Variants in SLC12A4 observed in about 807,000 individuals in gnomAD.
SLC12A4 encodes electroneutral potassium-chloride cotransporter 1.
SLC12A4 carries 84 observed loss-of-function variants against 119.2 expected under a neutral mutation model. The observed-to-expected ratio is 0.70, with a 90% CI of 0.59 to 0.85. The LOEUF (loss-of-function observed/expected upper bound fraction) is 0.85. Among genes scored for constraint, SLC12A4 ranks in the 40% least tolerant of loss-of-function variants. The pLI is 0.00. For synonymous variants in SLC12A4, 599 were observed against 604.6 expected, an observed-to-expected ratio of 0.99 and a Z score of 0.14; for missense variants, 1,298 against 1,476.3, an observed-to-expected ratio of 0.88 and a Z score of 1.98.
Position 67,946,329 on chromosome 16 carries a change from A to G in SLC12A4, c.2449T>C (p.Cys817Arg). Residue 817 changes from cysteine (C) to arginine (R), a missense_variant, in exon 19 of 24, where the codon TGC becomes CGC. Transcript: ENST00000316341. ...AWKTFIDTVR[C>R]TTAAHLALLV... is the part of the protein sequence containing the mutation. ...AGGGCCAGGTGGGCAGCCGTAGTGC[A>G]GCGCACGGTGTCTGGGGAGGAGGAG... 6.2e-7 allele frequency: 1 copy of G among 1,610,080 alleles called. No homozygotes were observed. The highest frequency in any genetic ancestry group is 8.5e-7 in the Non-Finnish European group (1 of 1,180,010).
At chr16:67,954,532 T>C (rs2030137127) in intron 6 of SLC12A4, 111 bp downstream of exon 6, 5 of 1,331,488 alleles carry the variant, frequency 3.8e-6, no homozygotes, top group Non-Finnish European at 5.2e-6. Context: ...TACTTTATAA[T>C]ACCCAGGCCT....
intron 19 of SLC12A4, 32 bp from the exon 20 acceptor site, chr16:67,946,114 C>CA (rs1567413055): frequency 6.2e-7 from 1 of 1,612,660 alleles, no homozygotes; most frequent in South Asian, 1.1e-5. Flanking sequence ...GCGGTTTGGT[C>CA]ACAGCTGCTC....
At chr16:67,963,379 A>G (rs1434287752) in intron 2 of SLC12A4, 86 bp downstream of exon 2, 7 of 803,050 alleles carry the variant, frequency 8.7e-6, no homozygotes. Flanking sequence ...GAAGAGCAAG[A>G]CAGAGGAGGC....
Position 67,963,546 on chromosome 16 carries a change from G to A in SLC12A4, c.129C>T (p.His43=). The A allele has an allele frequency of 6.3e-7, 1 of 1,580,636 alleles. No homozygotes were observed. Among genetic ancestry groups the A allele is most frequent in the Admixed American group, 2.0e-5 (1 of 49,436 alleles). Residue 43 remains histidine, a synonymous_variant, in exon 2 of 24, where the codon CAC becomes CAT. Transcript: ENST00000316341. ...ELDDSDGHGN[H]RESSPFLSPL... ...GGGAAAGAAAAGGGCTGCTCTCTCT[G>A]TGGTTGCCATGTCCTGTGAAGAGAG... is the stretch of plus-strand genomic sequence containing the variant.
intron 5 of SLC12A4, 54 bp from the exon 6 acceptor site, chr16:67,954,827 G>A (rs2030160501): frequency 2.5e-6 from 4 of 1,608,662 alleles, no homozygotes; most frequent in Non-Finnish European, 3.4e-6. Context: ...TTCTTCAAGG[G>A]GTCTCCCTGT....
In SLC12A4 at chr16:67,949,934, A is replaced by G; in HGVS notation, c.1630-16T>C. On this transcript the variant is annotated splice_polypyrimidine_tract_variant and intron_variant, in intron 12 of 23. Coordinates refer to ENST00000316341, the MANE Select transcript of SLC12A4 (RefSeq NM_005072.5). This position sits in a 1 kb window ranked among gnomAD's most constrained non-coding sequence, Gnocchi z 4.6. ...GGCCAAACACCTGTGTGCACCAGGA[A>G]GGAAGCTGGGTCCTGTCACCCCCAT... is the stretch of plus-strand genomic sequence containing the variant. 1 of 1,589,762 alleles carries G rather than the reference A, an allele frequency of 6.3e-7. No individual in the cohort carries two copies. Among genetic ancestry groups the G allele is most frequent in the Non-Finnish European group, 8.6e-7 (1 of 1,158,686 alleles).
chr16:67,954,305 G>T, intron 6 of SLC12A4: 1 of 352,110 alleles, frequency 2.8e-6, no homozygotes, highest in South Asian at 2.6e-5. Context: ...GCTCACACAA[G>T]CCCAGAAGGA....
chr16:67,948,243 G>A, intron 13 of SLC12A4, 84 bp from the exon 14 acceptor site: 1 of 1,352,852 alleles, frequency 7.4e-7, no homozygotes, highest in Non-Finnish European at 1.1e-6. Context: ...CCCAGAAACG[G>A]GGCGTGGCCC....
chr16:67,950,219 A>G lies in SLC12A4; in HGVS notation c.1629+100T>C, dbSNP rs1380569142. The stretch of plus-strand genomic sequence containing the variant: ...GATGGCCGCCTGGCCCCGGGGGCCA[A>G]TAAGGGCAGGACGTGCTGCATCTGT... On this transcript the variant is annotated intron_variant, in intron 12 of 23. Transcript: ENST00000316341. This position sits in a 1 kb window ranked among gnomAD's most constrained non-coding sequence, Gnocchi z 4.3. 1.3e-5 allele frequency: 18 copies of G among 1,424,866 alleles called. No homozygotes were observed. Among genetic ancestry groups the G allele is most frequent in the East Asian group, 2.3e-5 (1 of 43,470 alleles). The allele number at this position is 1,424,866 out of a possible 1,614,324, so 88.3% of individuals were successfully genotyped here.
chr16:67,946,886 C>T (rs2058356675), intron 17 of SLC12A4, 51 bp downstream of exon 17: 1 of 1,563,810 alleles, frequency 6.4e-7, no homozygotes. Flanking sequence ...GTGCCAGCTG[C>T]AGTCCAGACC....
At chr16:67,947,584 C>T in intron 15 of SLC12A4, 85 bp downstream of exon 15, 1 of 1,529,096 alleles carries the variant, frequency 6.5e-7, no homozygotes, top group South Asian at 1.2e-5. Flanking sequence ...TGGCCCAGCT[C>T]CCTGCCCACC....
chr16:67,967,095 C>CA (rs2030900283), intron 1 of SLC12A4, among the ~76,000 whole-genome samples: 2 of 152,214 alleles, frequency 1.3e-5, no homozygotes, highest in Admixed American at 1.3e-4. Context: ...TAGGGGCAGA[C>CA]AAGGGCATGG....
rs1167237447 is a variant in SLC12A4 at position 67,958,012 on chromosome 16, G to T, written c.375C>A (p.Tyr125Ter). The T allele has an allele frequency of 6.2e-7, 1 of 1,614,050 alleles. No individual in the cohort carries two copies. Among genetic ancestry groups the T allele is most frequent in the Non-Finnish European group, 8.5e-7 (1 of 1,180,014 alleles). Reference protein sequence around the residue: ...APSMGTLMGVYLPCLQNIFGV... With the variant: ...APSMGTLMGV Reference sequence around the variant, plus strand: ...CAAAGATATTCTGCAGGCAGGGCAGGTACACCCCCATGAGGGTGCCCATGC... The same window carrying T: ...CAAAGATATTCTGCAGGCAGGGCAGTTACACCCCCATGAGGGTGCCCATGC... The change falls in exon 4 of 24, where the codon TAC becomes TAA. Residue 125 changes from tyrosine to a stop codon, truncating the protein, a stop_gained. Transcript: ENST00000316341. LOFTEE classifies it high-confidence loss of function.
intron 1 of SLC12A4, chr16:67,963,893 T>C: frequency 6.5e-7 from 1 of 1,547,850 alleles, no homozygotes; most frequent in East Asian, 2.4e-5. Context: ...CCAGATCGCC[T>C]CCACGCCCCA....
Position 67,950,651 on chromosome 16 carries a change from C to T in SLC12A4, c.1454+3G>A. On this transcript the variant is annotated splice_donor_region_variant and intron_variant, in intron 11 of 23. Transcript: ENST00000316341. This position sits in a 1 kb window ranked among gnomAD's most constrained non-coding sequence, Gnocchi z 4.3. ...GCTAAAGAGGGGGGCCCAGCTCACT[C>T]ACTTGTCCCGGAGAACCACACCCTC... 1 of 1,612,152 alleles carries T rather than the reference C, an allele frequency of 6.2e-7. No individual in the cohort carries two copies. The highest frequency in any genetic ancestry group is 8.5e-7 in the Non-Finnish European group (1 of 1,179,156).
Position 67,963,838 on chromosome 16 carries a change from AGGGACGGGGCCTGCAGAGGGGC to A in SLC12A4, c.116-301_116-280del, listed in dbSNP as rs1296113576. 4 of 1,494,072 alleles carry A rather than the reference AGGGACGGGGCCTGCAGAGGGGC, an allele frequency of 2.7e-6. No individual in the cohort carries two copies. In the East Asian group the frequency reaches 9.9e-5, roughly 37 times the overall value. The allele number at this position is 1,494,072 out of a possible 1,614,324, so 92.6% of individuals were successfully genotyped here. Reference sequence around the variant, plus strand: ...CTAGCACAAGCACGTATGGACACTGAGGGACGGGGCCTGCAGAGGGGCGGGGCCAGCGTTTGACCCGCCCCCA... The same window carrying A: ...CTAGCACAAGCACGTATGGACACTGAGGGGCCAGCGTTTGACCCGCCCCCA... On this transcript the variant is annotated intron_variant, in intron 1 of 23. Coordinates refer to ENST00000316341, the MANE Select transcript of SLC12A4 (RefSeq NM_005072.5).
rs1474316409 is a variant in SLC12A4 at position 67,958,009 on chromosome 16, CA to C, written c.377del (p.Leu126ArgfsTer16). The C allele has an allele frequency of 6.2e-7, 1 of 1,614,024 alleles. No homozygotes were observed. The highest frequency in any genetic ancestry group is 8.5e-7 in the Non-Finnish European group (1 of 1,180,010). On this transcript the variant is annotated frameshift_variant, in exon 4 of 24. Coordinates refer to ENST00000316341, the MANE Select transcript of SLC12A4 (RefSeq NM_005072.5). LOFTEE classifies it high-confidence loss of function. ...PSMGTLMGVY[L>X]PCLQNIFGVI... ...CCCCAAAGATATTCTGCAGGCAGGG[CA>C]GGTACACCCCCATGAGGGTGCCCAT...
intron 1 of SLC12A4, among the ~76,000 whole-genome samples, chr16:67,967,385 T>A (rs1250226051): frequency 6.6e-6 from 1 of 152,154 alleles, no homozygotes; most frequent in East Asian, 1.9e-4. Flanking sequence ...CAAATCACCA[T>A]CCTCATCACT....
At chr16:67,946,678 T>G in intron 17 of SLC12A4, 45 bp from the exon 18 acceptor site, 1 of 1,573,380 alleles carries the variant, frequency 6.4e-7, no homozygotes, top group Non-Finnish European at 8.7e-7. Context: ...ATCAGCTTCC[T>G]GCCTCTGGGC....
Sources: gnomAD v4.1 joint callset for allele counts (sites outside exome capture counted in the v4.1 genomes callset) on GRCh38, gnomAD v4.1.1 for gene constraint, Gnocchi (gnomAD v3.1) non-coding constraint, MANE v1.5 for transcripts, NCBI Gene and HGNC (gene_info 2026-07-23, HGNC 2026-07-21) for gene names.